Variants in PDGFC observed in about 807,000 individuals in gnomAD.
PDGFC encodes the protein platelet-derived growth factor C.
In PDGFC, 12 loss-of-function variants were observed where a neutral mutation model predicts 35.5. The ratio of observed to expected loss-of-function variants is 0.34; its 90% CI spans 0.22 to 0.55. The LOEUF is 0.55. PDGFC is among the 20% of genes least tolerant of loss of function. PDGFC has a pLI of 0.91. For missense variants in PDGFC, 322 were observed against 412.4 expected (o/e 0.78, Z 1.90); for synonymous variants, 159 against 148.8 (o/e 1.07, Z -0.50).
chr4:156,893,825 G>A (rs537432430), intron 1 of PDGFC, among the ~76,000 whole-genome samples: 2 of 152,162 alleles, frequency 1.3e-5, no homozygotes, highest in South Asian at 2.1e-4. Context: ...TAGAAAATAC[G>A]AATTTTATAG....
intron 1 of PDGFC, among the ~76,000 whole-genome samples, chr4:156,894,048 G>A (rs1022163444): frequency 8.6e-5 from 13 of 152,042 alleles, no homozygotes; most frequent in African/African-American, 3.1e-4. Flanking sequence ...AGTATCAGGT[G>A]CCTCAAAATA....
chr4:156,889,334 T>C (rs1352110238), intron 1 of PDGFC, among the ~76,000 whole-genome samples: 1 of 152,210 alleles, frequency 6.6e-6, no homozygotes, highest in Non-Finnish European at 1.5e-5. Flanking sequence ...ATTTTATACT[T>C]TCTAGGATAC....
chr4:156,873,520 A>C (rs1730035751), intron 1 of PDGFC, among the ~76,000 whole-genome samples: 1 of 152,186 alleles, frequency 6.6e-6, no homozygotes, highest in Admixed American at 6.5e-5. Context: ...GTATACATAA[A>C]TCGCATTTTG....
chr4:156,882,964 G>T (rs1473626818), intron 1 of PDGFC, among the ~76,000 whole-genome samples: 1 of 151,860 alleles, frequency 6.6e-6, no homozygotes, highest in Non-Finnish European at 1.5e-5. Flanking sequence ...GACACCTGTA[G>T]TCCCAGCTAC....
chr4:156,784,290 A>C (rs1579006221), intron 3 of PDGFC, among the ~76,000 whole-genome samples: 2 of 152,244 alleles, frequency 1.3e-5, no homozygotes, highest in East Asian at 3.8e-4. Flanking sequence ...CTGGTGTCTC[A>C]AAATAGATCA....
intron 2 of PDGFC, among the ~76,000 whole-genome samples, chr4:156,813,036 G>A (rs956491519): frequency 5.3e-5 from 8 of 152,098 alleles, no homozygotes; most frequent in Non-Finnish European, 1.2e-4. Flanking sequence ...AGGAGTTTTA[G>A]TGTATGTGTG....
chr4:156,850,980 T>C (rs925328862), intron 1 of PDGFC, among the ~76,000 whole-genome samples: 5 of 152,296 alleles, frequency 3.3e-5, no homozygotes, highest in Admixed American at 3.3e-4. Flanking sequence ...TGTTTTCAGC[T>C]TTTCTCACTG....
At chr4:156,793,534 C>CATATATATATATATATATAT (rs66571528) in intron 3 of PDGFC, among the ~76,000 whole-genome samples, 8 of 130,634 alleles carry the variant, frequency 6.1e-5, no homozygotes, top group African/African-American at 2.3e-4. Context: ...GAATTATGTG[C>CATATATATATATATATATAT]ATATATATAT....
In PDGFC at chr4:156,877,176, A is replaced by G. The variant is rs529341152; in HGVS notation, c.119-26760T>C. On this transcript the variant is annotated intron_variant, in intron 1 of 5. Transcript: ENST00000502773. Reference sequence around the variant, plus strand: ...TGAGATATGTTGATACAGGCATACAATGCTTAATAATCACATTATTATATA... The same window carrying G: ...TGAGATATGTTGATACAGGCATACAGTGCTTAATAATCACATTATTATATA... Among the ~76,000 whole-genome samples, 451 of 152,244 alleles carry G rather than the reference A, an allele frequency of 3.0e-3. 3 individuals carry two copies. The highest frequency in any genetic ancestry group is 0.011 in the African/African-American group (443 of 41,560).
intron 2 of PDGFC, chr4:156,835,995 G>T (rs1729054245): frequency 6.6e-6 from 1 of 152,124 alleles, no homozygotes; most frequent in Non-Finnish European, 1.5e-5. Context: ...ATAAACCTCG[G>T]TGTACTGATA....
intron 2 of PDGFC, among the ~76,000 whole-genome samples, chr4:156,828,898 C>T (rs1447174413): frequency 2.0e-5 from 3 of 152,076 alleles, no homozygotes; most frequent in Admixed American, 1.3e-4. Context: ...AGTGGGTATA[C>T]ACATTTTTTA....
intron 2 of PDGFC, among the ~76,000 whole-genome samples, chr4:156,821,239 A>C (rs998004906): frequency 6.6e-6 from 1 of 151,134 alleles, no homozygotes; most frequent in East Asian, 2.0e-4. Flanking sequence ...GTGAGTATAC[A>C]ATTTTTTTTG....
chr4:156,885,073 T>C (rs956210190), intron 1 of PDGFC, among the ~76,000 whole-genome samples: 1 of 152,134 alleles, frequency 6.6e-6, no homozygotes, highest in African/African-American at 2.4e-5. Flanking sequence ...TTTCTGGTGT[T>C]AGACATTTCA....
At chr4:156,878,181 G>C (rs1730159525) in intron 1 of PDGFC, among the ~76,000 whole-genome samples, 1 of 152,168 alleles carries the variant, frequency 6.6e-6, no homozygotes, top group African/African-American at 2.4e-5. Flanking sequence ...ATAGGTGCAT[G>C]AGTTGGGGGT....
In PDGFC at chr4:156,762,953, T is replaced by A. The variant is rs1184547752; in HGVS notation, c.*137A>T. On this transcript the variant is annotated 3_prime_UTR_variant, in exon 6 of 6. Transcript: ENST00000502773. Reference sequence around the variant, plus strand: ...CTGTTTGATGTCTCCTCTTTCAGAATGCACTGTAAATCCTGAAGATGAAAG... The same window carrying A: ...CTGTTTGATGTCTCCTCTTTCAGAAAGCACTGTAAATCCTGAAGATGAAAG... 2 of 578,268 alleles carry A rather than the reference T, an allele frequency of 3.5e-6. No homozygotes were observed. The highest frequency in any genetic ancestry group is 3.7e-5 in the African/African-American group (2 of 54,686). 35.8% of individuals were successfully genotyped at this position (578,268 alleles called of 1,614,324 possible). A position where few individuals can be genotyped will look rare whatever the true frequency, so the allele number is the denominator to read the frequency against.
chr4:156,934,204 C>T (rs1731622345), intron 1 of PDGFC, among the ~76,000 whole-genome samples: 3 of 152,174 alleles, frequency 2.0e-5, no homozygotes, highest in Admixed American at 2.0e-4. Flanking sequence ...TTAAACAAAC[C>T]TAAATGGTAT....
At chr4:156,879,003 T>C (rs2111164940) in intron 1 of PDGFC, among the ~76,000 whole-genome samples, 1 of 152,334 alleles carries the variant, frequency 6.6e-6, no homozygotes, top group East Asian at 1.9e-4. Context: ...AACCATTTGC[T>C]ATGGGATCAC....
At chr4:156,808,159 T>C (rs1223975807) in intron 3 of PDGFC, among the ~76,000 whole-genome samples, 1 of 152,012 alleles carries the variant, frequency 6.6e-6, no homozygotes, top group Admixed American at 6.6e-5. Context: ...AGGTGACATA[T>C]AATAAATAGG....
At position 156,913,481 on chromosome 4, in the gene PDGFC, G is replaced by A. The variant is rs76403291; in HGVS notation, c.118+57305C>T. ...GGAACAGTGACAACCAATGAACTAC[G>A]GAATCATGTACTAAGCCAGTTGCTT... On this transcript the variant is annotated intron_variant, in intron 1 of 5. Coordinates refer to ENST00000502773, the MANE Select transcript of PDGFC (RefSeq NM_016205.3). 6.8e-3 allele frequency among the ~76,000 whole-genome samples: 1,032 copies of A among 152,268 alleles called. 9 individuals carry two copies. Among genetic ancestry groups the A allele is most frequent in the African/African-American group, 0.024 (988 of 41,550 alleles).
Sources: allele counts gnomAD v4.1 joint callset (sites outside exome capture counted in the v4.1 genomes callset), GRCh38; gene constraint gnomAD v4.1.1; transcripts MANE v1.5; gene names NCBI Gene and HGNC (gene_info 2026-07-23, HGNC 2026-07-21).